The following CHRM5 variants were observed in gnomAD, a reference collection of about 807,000 sequenced individuals.
The protein encoded by CHRM5 is cholinergic receptor muscarinic 5, also known as muscarinic acetylcholine receptor M5.
A neutral mutation model predicts 39.0 loss-of-function variants in CHRM5; 18 were observed. The ratio of observed to expected loss-of-function variants is 0.46; its 90% CI spans 0.32 to 0.68. The LOEUF (loss-of-function observed/expected upper bound fraction) is 0.68. CHRM5 is among the 30% of genes least tolerant of loss of function. The pLI is 0.04. For missense variants in CHRM5, 515 were observed against 651.1 expected, an observed-to-expected ratio of 0.79 and a Z score of 2.28; for synonymous variants, 241 against 246.3, an observed-to-expected ratio of 0.98 and a Z score of 0.20.
intron 1 of CHRM5, among the ~76,000 whole-genome samples, chr15:33,981,247 G>C (rs1402630517): frequency 6.6e-6 from 1 of 152,090 alleles, no homozygotes; most frequent in Non-Finnish European, 1.5e-5. Flanking sequence ...TTCACTTTCC[G>C]CATGCACAGT....
At chr15:34,057,085 C>T (rs533648987) in intron 2 of CHRM5, among the ~76,000 whole-genome samples, 96 of 151,896 alleles carry the variant, frequency 6.3e-4, no homozygotes, top group African/African-American at 2.3e-3. Context: ...TACCCTGTCC[C>T]TTAATAACCA....
intron 1 of CHRM5, among the ~76,000 whole-genome samples, chr15:33,969,731 A>C (rs897103313): frequency 1.3e-5 from 2 of 152,044 alleles, no homozygotes; most frequent in African/African-American, 4.8e-5. Context: ...AGACATTTTT[A>C]TAACAGACTA....
At chr15:34,031,119 G>GT (rs57568607) in intron 1 of CHRM5, among the ~76,000 whole-genome samples, 1 of 147,240 alleles carries the variant, frequency 6.8e-6, no homozygotes, top group African/African-American at 2.5e-5. Flanking sequence ...ATACATATGA[G>GT]TTTTTTTTTG....
At chr15:34,056,680 AAT>A (rs1900164896) in intron 2 of CHRM5, among the ~76,000 whole-genome samples, 1 of 152,122 alleles carries the variant, frequency 6.6e-6, no homozygotes, top group Admixed American at 6.6e-5. Flanking sequence ...GTTCTGCTTG[AAT>A]GATTGGGAGC....
At position 34,064,272 on chromosome 15, in the gene CHRM5, G is replaced by A. The variant is rs771923772; in HGVS notation, c.1555G>A (p.Val519Met). 6 of 1,613,954 alleles carry A rather than the reference G, an allele frequency of 3.7e-6. No individual in the cohort carries two copies. In the Admixed American group the frequency reaches 8.3e-5, roughly 22 times the overall value. The change falls in exon 3 of 3, where the codon GTG becomes ATG. Residue 519 changes from valine to methionine, a missense_variant. Val to Met is a conservative substitution (Grantham distance 21). Transcript: ENST00000383263. The part of the protein sequence containing the change: ...LLLCRWKKKK[V>M]EEKLYWQGNS... ...TCTCTGCCGATGGAAAAAGAAAAAAGTGGAAGAGAAGTTGTACTGGCAGGG... is the reference window on the plus strand; with the variant it reads ...TCTCTGCCGATGGAAAAAGAAAAAAATGGAAGAGAAGTTGTACTGGCAGGG...
intron 1 of CHRM5, among the ~76,000 whole-genome samples, chr15:34,023,174 G>A (rs1392264759): frequency 2.0e-5 from 3 of 151,654 alleles, no homozygotes; most frequent in Non-Finnish European, 4.4e-5. Context: ...AGCGAGACTC[G>A]GTCTCAGAAA....
intron 1 of CHRM5, among the ~76,000 whole-genome samples, chr15:33,971,240 A>T (rs1895625615): frequency 6.6e-6 from 1 of 152,060 alleles, no homozygotes; most frequent in African/African-American, 2.4e-5. Context: ...GTAGTCAATG[A>T]CCTGCCTACT....
chr15:34,016,677 A>C (rs931594899), intron 1 of CHRM5, among the ~76,000 whole-genome samples: 1 of 152,218 alleles, frequency 6.6e-6, no homozygotes, highest in African/African-American at 2.4e-5. Context: ...TGGAGTATGT[A>C]ATCAGAAACA....
At chr15:33,973,794 TG>T (rs1555511945) in intron 1 of CHRM5, among the ~76,000 whole-genome samples, 2 of 152,254 alleles carry the variant, frequency 1.3e-5, no homozygotes, top group Non-Finnish European at 2.9e-5. Flanking sequence ...CTAATTTATC[TG>T]TCTATTCCCA....
chr15:33,971,522 A>G lies in CHRM5; in HGVS notation c.-408+2372A>G, dbSNP rs917384490. Among the ~76,000 whole-genome samples the G allele has an allele frequency of 3.3e-5, 5 of 152,224 alleles. No individual in the cohort carries two copies. The East Asian group carries it at 5.8e-4, about 18-fold the overall frequency. ...ACATCCATTTCGTGTATGTTGACAT[A>G]ACAATCTTAAAAAGTAATTTTTGTC... On this transcript the variant is annotated intron_variant, in intron 1 of 2. Coordinates refer to ENST00000383263, the MANE Select transcript of CHRM5 (RefSeq NM_012125.4).
intron 1 of CHRM5, among the ~76,000 whole-genome samples, chr15:34,039,403 A>T (rs1412925691): frequency 3.4e-5 from 1 of 29,164 alleles, no homozygotes; most frequent in East Asian, 1.2e-3. Context: ...GTATGATGTG[A>T]ACTCTCGGAA....
chr15:33,975,528 C>CA (rs1430919505), intron 1 of CHRM5, among the ~76,000 whole-genome samples: 1 of 152,130 alleles, frequency 6.6e-6, no homozygotes, highest in East Asian at 1.9e-4. Context: ...CTAAAATTAA[C>CA]AAAATCTCAA....
rs777060789 is a variant in CHRM5 at position 34,064,293 on chromosome 15, C to T, written c.1576C>T (p.Gln526Ter). Reference protein sequence around the residue: ...KKKVEEKLYWQGNSKLP With the variant: ...KKKVEEKLYW ...AAAAGTGGAAGAGAAGTTGTACTGG[C>T]AGGGGAACAGCAAGCTACCCTGAAA... The change falls in exon 3 of 3, where the codon CAG (glutamine) becomes TAG (stop). Residue 526 changes from glutamine to a stop codon, truncating the protein, a stop_gained. Coordinates refer to ENST00000383263, the MANE Select transcript of CHRM5 (RefSeq NM_012125.4). LOFTEE classifies it high-confidence loss of function. The T allele has an allele frequency of 1.2e-6, 2 of 1,613,288 alleles. No individual in the cohort carries two copies. The highest frequency in any genetic ancestry group is 2.2e-5 in the South Asian group (2 of 90,948).
chr15:34,049,888 C>CTTT (rs61235689), intron 2 of CHRM5, among the ~76,000 whole-genome samples: 36 of 137,082 alleles, frequency 2.6e-4, no homozygotes, highest in East Asian at 4.3e-4. Flanking sequence ...TCAACATCAA[C>CTTT]TTTTTTTTTT....
intron 1 of CHRM5, among the ~76,000 whole-genome samples, chr15:34,008,910 TTTG>T (rs1177890523): frequency 2.0e-5 from 3 of 147,246 alleles, no homozygotes; most frequent in Non-Finnish European, 3.0e-5. Context: ...CCCACTCCAT[TTTG>T]TTAAGATAAA....
At chr15:34,054,665 C>T (rs1181296372) in intron 2 of CHRM5, among the ~76,000 whole-genome samples, 2 of 152,110 alleles carry the variant, frequency 1.3e-5, no homozygotes, top group Non-Finnish European at 2.9e-5. Flanking sequence ...AGGGAAACAA[C>T]ACACACTGGA....
intron 1 of CHRM5, chr15:34,038,831 CG>C (rs1322266314): frequency 1.7e-6 from 2 of 1,189,168 alleles, no homozygotes; most frequent in Non-Finnish European, 1.0e-6. Context: ...GGCTGCCTCG[CG>C]GGGCGCCTCC....
chr15:34,004,606 T>C (rs1897262579), intron 1 of CHRM5, among the ~76,000 whole-genome samples: 3 of 149,154 alleles, frequency 2.0e-5, no homozygotes, highest in Admixed American at 2.0e-4. Flanking sequence ...TTTTTTAAAG[T>C]GTTGTTAACT....
At chr15:34,055,252 A>C (rs1245049105) in intron 2 of CHRM5, among the ~76,000 whole-genome samples, 1 of 150,216 alleles carries the variant, frequency 6.7e-6, no homozygotes, top group African/African-American at 2.5e-5. Flanking sequence ...TAATCCCAGC[A>C]TTTGGGAGGC....
Sources: allele counts gnomAD v4.1 joint callset (sites outside exome capture counted in the v4.1 genomes callset), GRCh38; gene constraint gnomAD v4.1.1; transcripts MANE v1.5; gene names NCBI Gene and HGNC (gene_info 2026-07-23, HGNC 2026-07-21).